The following NT5C3A variants were observed in gnomAD, a reference collection of about 807,000 sequenced individuals.
NT5C3A encodes the protein cytosolic 5'-nucleotidase 3A.
In NT5C3A, 23 loss-of-function variants were observed where a neutral mutation model predicts 40.0. That is an observed-to-expected ratio of 0.58 (90% confidence interval 0.41 to 0.81). NT5C3A has a LOEUF of 0.81. Ranked by LOEUF, NT5C3A falls within the 40% of genes least tolerant of loss-of-function variation. The probability of loss-of-function intolerance (pLI) is 0.00; values close to 1 mark genes in which losing one functional copy is unlikely to be tolerated. For missense variants in NT5C3A, 328 were observed against 403.0 expected, an observed-to-expected ratio of 0.81 and a Z score of 1.59; for synonymous variants, 130 against 141.4, an observed-to-expected ratio of 0.92 and a Z score of 0.57.
At chr7:33,048,383 G>A (rs1413238692) in intron 1 of NT5C3A, among the ~76,000 whole-genome samples, 5 of 152,068 alleles carry the variant, frequency 3.3e-5, no homozygotes, top group Non-Finnish European at 5.9e-5. Flanking sequence ...CTTATAAAAA[G>A]CTGGATCATA....
intron 1 of NT5C3A, among the ~76,000 whole-genome samples, chr7:33,057,516 T>C (rs911733900): frequency 1.3e-5 from 2 of 152,030 alleles, no homozygotes; most frequent in African/African-American, 4.8e-5. Flanking sequence ...AGTGAGACCC[T>C]GCCTCAAAAA....
Position 33,021,446 on chromosome 7 carries a change from T to C in NT5C3A, c.355-89A>G. 10 of 1,470,624 alleles carry C rather than the reference T, an allele frequency of 6.8e-6. No homozygotes were observed. The South Asian group carries it at 1.3e-4, about 19-fold the overall frequency. The allele number at this position is 1,470,624 out of a possible 1,614,324, so 91.1% of individuals were successfully genotyped here. ...GAAAGCAAAACAATGTAAACAAGTA[T>C]TTTCAACAAACTGCTTTAAAAGTTG... is the stretch of plus-strand genomic sequence containing the variant. On this transcript the variant is annotated intron_variant, in intron 4 of 8. Coordinates refer to ENST00000610140, the MANE Select transcript of NT5C3A (RefSeq NM_001002010.5).
intron 1 of NT5C3A, among the ~76,000 whole-genome samples, chr7:33,037,823 C>CTA (rs770531052): frequency 2.0e-5 from 3 of 152,016 alleles, no homozygotes; most frequent in Admixed American, 6.6e-5. Flanking sequence ...CTTTGTACAG[C>CTA]TATATATATA....
chr7:33,014,917 G>T (rs1785242999), intron 8 of NT5C3A, 86 bp from the exon 9 acceptor site: 7 of 1,125,778 alleles, frequency 6.2e-6, no homozygotes, highest in Non-Finnish European at 9.1e-6. Context: ...TAGATCTCTT[G>T]GGCAAAATGC....
intron 1 of NT5C3A, among the ~76,000 whole-genome samples, chr7:33,031,178 A>T (rs1458710161): frequency 2.0e-5 from 3 of 152,144 alleles, no homozygotes; most frequent in East Asian, 1.9e-4. Context: ...GGTATCATCA[A>T]TCCAATGATA....
At chr7:33,039,914 G>T (rs1786833909) in intron 1 of NT5C3A, among the ~76,000 whole-genome samples, 1 of 152,048 alleles carries the variant, frequency 6.6e-6, no homozygotes, top group South Asian at 2.1e-4. Flanking sequence ...GAATTTTGTG[G>T]ATATTTATGC....
At chr7:33,031,142 A>G (rs903621811) in intron 1 of NT5C3A, among the ~76,000 whole-genome samples, 2 of 151,282 alleles carry the variant, frequency 1.3e-5, no homozygotes, top group Non-Finnish European at 2.9e-5. Context: ...TCCATAGTAC[A>G]GTTACCAAAT....
chr7:33,034,362 C>T (rs979004919), intron 1 of NT5C3A, among the ~76,000 whole-genome samples: 2 of 151,980 alleles, frequency 1.3e-5, no homozygotes, highest in Admixed American at 1.3e-4. Context: ...CTCTAGGACC[C>T]AAGTAACAAC....
At chr7:33,032,447 CTTTTA>C (rs1786329245) in intron 1 of NT5C3A, among the ~76,000 whole-genome samples, 2 of 133,506 alleles carry the variant, frequency 1.5e-5, no homozygotes, top group South Asian at 5.0e-4. Context: ...AAAAAATTTA[CTTTTA>C]TGTTTTTTTA....
In NT5C3A at chr7:33,048,176, TTGTG is replaced by T. The variant is rs10582278; in HGVS notation, c.138+14388_138+14391del. Among the ~76,000 whole-genome samples, 1,894 of 148,474 alleles carry T rather than the reference TTGTG, an allele frequency of 0.013. 61 individuals are homozygous for T. In the East Asian group the frequency reaches 0.14, roughly 11 times the overall value. ...CATTTATAGTATTGATACATTTGAT[TTGTG>T]TGTGTGTGTGTGTGTGTGGTTTTTT... On this transcript the variant is annotated intron_variant, in intron 1 of 8. Transcript: ENST00000610140.
At chr7:33,039,973 T>C (rs1786835767) in intron 1 of NT5C3A, among the ~76,000 whole-genome samples, 1 of 152,146 alleles carries the variant, frequency 6.6e-6, no homozygotes, top group South Asian at 2.1e-4. Flanking sequence ...CCTTCCCACA[T>C]TCACTACCTC....
intron 1 of NT5C3A, among the ~76,000 whole-genome samples, chr7:33,057,582 GT>G (rs1787619175): frequency 6.6e-6 from 1 of 151,880 alleles, no homozygotes; most frequent in African/African-American, 2.4e-5. Flanking sequence ...GTATGCTAAA[GT>G]TTTAAAAAAA....
chr7:33,051,871 T>C (rs1255310612), intron 1 of NT5C3A, among the ~76,000 whole-genome samples: 1 of 152,168 alleles, frequency 6.6e-6, no homozygotes, highest in Non-Finnish European at 1.5e-5. Context: ...TACAATGTGG[T>C]CCCAACACAC....
In NT5C3A at chr7:33,014,614, T is replaced by C. The variant is rs1785224638; in HGVS notation, c.*116A>G. 4 of 1,468,860 alleles carry C rather than the reference T, an allele frequency of 2.7e-6. No homozygotes were observed. Among genetic ancestry groups the C allele is most frequent in the Middle Eastern group, 2.4e-4 (1 of 4,102 alleles). 91.0% of individuals were successfully genotyped at this position (1,468,860 alleles called of 1,614,324 possible). A position where few individuals can be genotyped will look rare whatever the true frequency, so the allele number is the denominator to read the frequency against. ...ACCATATCTGAAAATACTTCAGTTATACAAAGGGAACACTTCGAGAGTAAG... is the reference window on the plus strand; with the variant it reads ...ACCATATCTGAAAATACTTCAGTTACACAAAGGGAACACTTCGAGAGTAAG... On this transcript the variant is annotated 3_prime_UTR_variant, in exon 9 of 9. Coordinates refer to ENST00000610140, the MANE Select transcript of NT5C3A (RefSeq NM_001002010.5).
chr7:33,034,745 G>A (rs1238034854), intron 1 of NT5C3A, among the ~76,000 whole-genome samples: 1 of 152,122 alleles, frequency 6.6e-6, no homozygotes, highest in Non-Finnish European at 1.5e-5. Flanking sequence ...TTTATTAAGC[G>A]TGACAAAATG....
intron 6 of NT5C3A, among the ~76,000 whole-genome samples, chr7:33,018,868 T>A (rs1367200469): frequency 6.6e-6 from 1 of 152,152 alleles, no homozygotes; most frequent in Non-Finnish European, 1.5e-5. Flanking sequence ...TCTTGTATCT[T>A]ATAACTCATG....
In NT5C3A at chr7:33,022,049, T is replaced by C. The variant is rs951748962; in HGVS notation, c.354+4A>G. On this transcript the variant is annotated splice_donor_region_variant and intron_variant, in intron 4 of 8. Coordinates refer to ENST00000610140, the MANE Select transcript of NT5C3A (RefSeq NM_001002010.5). Reference sequence around the variant, plus strand: ...AGTGACTATAGATTGTTGTTAGTGTTTACCTTTTTTCTACATTCATCTGTA... The same window carrying C: ...AGTGACTATAGATTGTTGTTAGTGTCTACCTTTTTTCTACATTCATCTGTA... 5 of 1,502,420 alleles carry C rather than the reference T, an allele frequency of 3.3e-6. No homozygotes were observed. Among genetic ancestry groups the C allele is most frequent in the Non-Finnish European group, 4.6e-6 (5 of 1,079,428 alleles). The allele number at this position is 1,502,420 out of a possible 1,614,324, so 93.1% of individuals were successfully genotyped here. A position where few individuals can be genotyped will look rare whatever the true frequency, so the allele number is the denominator to read the frequency against.
intron 1 of NT5C3A, among the ~76,000 whole-genome samples, chr7:33,047,476 G>A (rs546536646): frequency 5.3e-5 from 8 of 152,076 alleles, no homozygotes; most frequent in South Asian, 2.1e-4. Flanking sequence ...AAGGACTGGC[G>A]GGTGATAACT....
intron 8 of NT5C3A, among the ~76,000 whole-genome samples, chr7:33,015,258 T>C: frequency 6.6e-6 from 1 of 152,118 alleles, no homozygotes; most frequent in East Asian, 1.9e-4. Flanking sequence ...TAAAGAACAA[T>C]CAAAATGCAT....
Sources: gnomAD v4.1 joint callset for allele counts (sites outside exome capture counted in the v4.1 genomes callset) on GRCh38, gnomAD v4.1.1 for gene constraint, MANE v1.5 for transcripts, NCBI Gene and HGNC (gene_info 2026-07-23, HGNC 2026-07-21) for gene names.